TUBG1: variants seen among roughly 807,000 people sequenced by gnomAD.
TUBG1 encodes the protein tubulin gamma-1 chain.
Under a neutral mutation model 53.3 loss-of-function variants are expected in TUBG1, and 22 were observed. The ratio of observed to expected loss-of-function variants is 0.41; its 90% CI spans 0.29 to 0.59. The LOEUF is 0.59. Among genes scored for constraint, TUBG1 ranks in the 20% least tolerant of loss-of-function variants. The pLI, the probability that TUBG1 is intolerant of heterozygous loss-of-function variation, is 0.26. For synonymous variants in TUBG1, 198 were observed against 236.7 expected (o/e 0.84, Z 1.50); for missense variants, 217 against 598.9 (o/e 0.36, Z 6.66).
chr17:42,614,238 C>T lies in TUBG1; in HGVS notation c.844-22C>T, dbSNP rs749303424. ...ACTGTGCCCTGAGCGCTGGCCGGGT[C>T]CCTGTCTCACTGTCCTATCAGGTGG... On this transcript the variant is annotated intron_variant, in intron 8 of 10. Transcript: ENST00000251413. This position sits in a 1 kb window ranked among gnomAD's most constrained non-coding sequence, Gnocchi z 5.1. 5.6e-6 allele frequency: 9 copies of T among 1,613,864 alleles called. No homozygotes were observed. The highest frequency in any genetic ancestry group is 7.6e-6 in the Non-Finnish European group (9 of 1,179,826).
chr17:42,612,010 C>CT, intron 3 of TUBG1, 65 bp from the exon 4 acceptor site: 2 of 1,536,650 alleles, frequency 1.3e-6, no homozygotes, highest in South Asian at 2.2e-5. Context: ...TTGAGGGTGG[C>CT]TTTTCTGAGG....
Position 42,609,687 on chromosome 17 carries a change from T to G in TUBG1, c.-51T>G, listed in dbSNP as rs781204775. On this transcript the variant is annotated 5_prime_UTR_variant, in exon 1 of 11. Transcript: ENST00000251413. Reference sequence around the variant, plus strand: ...GCGTCTTGCGGCGAGCGGGCTGGCGTGCGGCGCCGTTGCGGGCGGGAGCGG... The same window carrying G: ...GCGTCTTGCGGCGAGCGGGCTGGCGGGCGGCGCCGTTGCGGGCGGGAGCGG... 3.4e-5 allele frequency: 52 copies of G among 1,530,328 alleles called. No individual in the cohort carries two copies. The South Asian group carries it at 3.8e-4, about 11-fold the overall frequency. 94.8% of individuals were successfully genotyped at this position (1,530,328 alleles called of 1,614,324 possible). A position where few individuals can be genotyped will look rare whatever the true frequency, so the allele number is the denominator to read the frequency against.
chr17:42,612,019 G>A lies in TUBG1; in HGVS notation c.331-56G>A. The A allele has an allele frequency of 3.2e-6, 5 of 1,581,028 alleles. No individual in the cohort carries two copies. In the South Asian group the frequency reaches 5.5e-5, roughly 18 times the overall value. On this transcript the variant is annotated intron_variant, in intron 3 of 10. Coordinates refer to ENST00000251413, the MANE Select transcript of TUBG1 (RefSeq NM_001070.5). Reference sequence around the variant, plus strand: ...GGAGAATTGAGGGTGGCTTTTCTGAGGTCAGAGACCTCCCATGGTTCTGTC... The same window carrying A: ...GGAGAATTGAGGGTGGCTTTTCTGAAGTCAGAGACCTCCCATGGTTCTGTC...
chr17:42,609,955 A>G (rs1367943115), intron 1 of TUBG1, among the ~76,000 whole-genome samples, 153 bp from the exon 2 acceptor site: 3 of 152,044 alleles, frequency 2.0e-5, no homozygotes, highest in African/African-American at 7.2e-5. Context: ...TCCCCTGCCC[A>G]GTCCCTGGCG....
chr17:42,610,639 G>A (rs754033140), intron 3 of TUBG1, 49 bp downstream of exon 3: 5 of 1,612,910 alleles, frequency 3.1e-6, no homozygotes, highest in Non-Finnish European at 4.2e-6. Context: ...GGTAGGGACA[G>A]GCTCTATGAC....
Position 42,614,521 on chromosome 17 carries a change from G to A in TUBG1, c.1022G>A (p.Arg341Gln), listed in dbSNP as rs1555631467. 1 of 1,613,056 alleles carries A rather than the reference G, an allele frequency of 6.2e-7. No homozygotes were observed. The highest frequency in any genetic ancestry group is 8.5e-7 in the Non-Finnish European group (1 of 1,179,302). ...TQVHKSLQRIRERKLANFIPW... is the reference protein window; with the variant it reads ...TQVHKSLQRIQERKLANFIPW... The stretch of plus-strand genomic sequence containing the variant: ...GTCCACAAGAGCTTGCAGAGGATCC[G>A]GGAACGCAAGTTGGCCAACTTCATC... The change falls in exon 10 of 11, where the codon CGG becomes CAG. Residue 341 changes from arginine to glutamine, a missense_variant. By Grantham distance (43) the Arg-to-Gln change is conservative. Around this residue, in one of 4 missense-constraint regions of TUBG1, gnomAD observed 135 missense variants for 371.2 expected, o/e 0.36. Transcript: ENST00000251413. The surrounding 1 kb of genome is among the most constrained non-coding windows in gnomAD (Gnocchi z 5.1).
In TUBG1 at chr17:42,609,699, G is replaced by T; in HGVS notation, c.-39G>T. The T allele has an allele frequency of 6.5e-7, 1 of 1,536,932 alleles. No individual in the cohort carries two copies. The highest frequency in any genetic ancestry group is 1.4e-5 in the African/African-American group (1 of 72,732). On this transcript the variant is annotated 5_prime_UTR_variant, in exon 1 of 11. Coordinates refer to ENST00000251413, the MANE Select transcript of TUBG1 (RefSeq NM_001070.5). ...GAGCGGGCTGGCGTGCGGCGCCGTT[G>T]CGGGCGGGAGCGGCTGCAACGCCGG...
intron 3 of TUBG1, 192 bp downstream of exon 3, chr17:42,610,782 G>A: frequency 1.4e-6 from 1 of 731,728 alleles, no homozygotes; most frequent in South Asian, 2.3e-5. Flanking sequence ...CATTCTAAGT[G>A]CTTTACATAT....
At chr17:42,611,855 C>CA (rs943572230) in intron 3 of TUBG1, among the ~76,000 whole-genome samples, 30 of 149,104 alleles carry the variant, frequency 2.0e-4, no homozygotes, top group South Asian at 2.1e-4. Context: ...GACTCCATCG[C>CA]AAAAAAAAAT....
At position 42,612,119 on chromosome 17, in the gene TUBG1, G is replaced by A; in HGVS notation, c.375G>A (p.Glu125=). Residue 125 remains glutamate, a synonymous_variant, in exon 4 of 11, where the codon GAG becomes GAA. Transcript: ENST00000251413. The part of the protein sequence containing the change: ...HEDIFDIIDR[E]ADGSDSLEGF... ...ACATTTTTGACATCATAGACCGGGA[G>A]GCAGATGGTAGTGACAGTCTAGAGG... 6.2e-7 allele frequency: 1 copy of A among 1,614,182 alleles called. No individual in the cohort carries two copies. Among genetic ancestry groups the A allele is most frequent in the Non-Finnish European group, 8.5e-7 (1 of 1,180,014 alleles).
rs1173774495 is a variant in TUBG1 at position 42,614,974 on chromosome 17, A to G, written c.1289A>G (p.Gln430Arg). 1.2e-6 allele frequency: 2 copies of G among 1,614,078 alleles called. No individual in the cohort carries two copies. Among genetic ancestry groups the G allele is most frequent in the African/African-American group, 2.7e-5 (2 of 74,942 alleles). Reference protein sequence around the residue: ...EMDTSREIVQQLIDEYHAATR... With the variant: ...EMDTSREIVQRLIDEYHAATR... Reference sequence around the variant, plus strand: ...GACACATCCAGGGAGATTGTGCAGCAGCTCATCGATGAGTACCATGCGGCC... The same window carrying G: ...GACACATCCAGGGAGATTGTGCAGCGGCTCATCGATGAGTACCATGCGGCC... Residue 430 changes from glutamine to arginine, a missense_variant, in exon 11 of 11, where the codon CAG becomes CGG. Gln to Arg is a conservative substitution (Grantham distance 43). Around this residue, in one of 4 missense-constraint regions of TUBG1, gnomAD observed 25 missense variants for 32.4 expected, o/e 0.77. Coordinates refer to ENST00000251413, the MANE Select transcript of TUBG1 (RefSeq NM_001070.5). This position sits in a 1 kb window ranked among gnomAD's most constrained non-coding sequence, Gnocchi z 5.1.
At chr17:42,613,772 C>T in intron 7 of TUBG1, 39 bp downstream of exon 7, 1 of 1,614,168 alleles carries the variant, frequency 6.2e-7, no homozygotes, top group Non-Finnish European at 8.5e-7. Flanking sequence ...ACTTGAAGCC[C>T]TCCTTGTTGG....
Position 42,613,980 on chromosome 17 carries a change from T to G in TUBG1, c.825T>G (p.Pro275=), listed in dbSNP as rs1128519. 21 of 1,613,962 alleles carry G rather than the reference T, an allele frequency of 1.3e-5. No individual in the cohort carries two copies. Among genetic ancestry groups the G allele is most frequent in the Middle Eastern group, 1.6e-4 (1 of 6,084 alleles). Reference sequence around the variant, plus strand: ...ACTTCCTCATGACCGGCTACACCCCTCTCACTACGGACCAGTCAGTAAGAG... The same window carrying G: ...ACTTCCTCATGACCGGCTACACCCCGCTCACTACGGACCAGTCAGTAAGAG... ...RLHFLMTGYT[P]LTTDQSVASV... The change falls in exon 8 of 11, where the codon CCT becomes CCG. Residue 275 remains proline, a synonymous_variant. Coordinates refer to ENST00000251413, the MANE Select transcript of TUBG1 (RefSeq NM_001070.5).
chr17:42,611,096 C>T lies in TUBG1; in HGVS notation c.330+506C>T, dbSNP rs569540546. 4.1e-3 allele frequency: 626 copies of T among 152,744 alleles called. 2 individuals carry two copies. The highest frequency in any genetic ancestry group is 0.014 in the African/African-American group (571 of 41,528). The allele number at this position is 152,744 out of a possible 1,614,324, so 9.5% of individuals were successfully genotyped here. ...AAGCGATTCTCCTGCCTCAGCCTCC[C>T]GAGTAGCTGGGATTACAGGTGCTTG... On this transcript the variant is annotated intron_variant, in intron 3 of 10. Coordinates refer to ENST00000251413, the MANE Select transcript of TUBG1 (RefSeq NM_001070.5).
At chr17:42,610,981 A>T (rs1044810662) in intron 3 of TUBG1, 16 of 158,570 alleles carry the variant, frequency 1.0e-4, no homozygotes, top group African/African-American at 1.4e-4. Flanking sequence ...TTATTTATTT[A>T]TTTTTTTTGA....
In TUBG1 at chr17:42,610,169, G is replaced by A; in HGVS notation, c.111G>A (p.Val37=). Reference sequence around the variant, plus strand: ...ATGGTATCAGCCCCGAGGGCATCGTGGAGGAGTTCGCCACCGAGGGCACTG... The same window carrying A: ...ATGGTATCAGCCCCGAGGGCATCGTAGAGGAGTTCGCCACCGAGGGCACTG... The part of the protein sequence containing the change: ...AEHGISPEGI[V]EEFATEGTDR... The change falls in exon 2 of 11, where the codon GTG becomes GTA. Residue 37 remains valine, a synonymous_variant. Transcript: ENST00000251413. 2 of 1,614,260 alleles carry A rather than the reference G, an allele frequency of 1.2e-6. No individual in the cohort carries two copies. The highest frequency in any genetic ancestry group is 8.5e-7 in the Non-Finnish European group (1 of 1,180,048).
Position 42,615,131 on chromosome 17 carries a change from T to A in TUBG1, c.*90T>A. The A allele has an allele frequency of 7.8e-7, 1 of 1,276,950 alleles. No individual in the cohort carries two copies. The highest frequency in any genetic ancestry group is 1.5e-5 in the African/African-American group (1 of 67,912). 79.1% of individuals were successfully genotyped at this position (1,276,950 alleles called of 1,614,324 possible). On this transcript the variant is annotated 3_prime_UTR_variant, in exon 11 of 11. Transcript: ENST00000251413. ...CCCCTCAGAGCACAGATCAGGGACC[T>A]CACGCATCTCTTTCTCATATACATG...
intron 3 of TUBG1, 95 bp downstream of exon 3, chr17:42,610,685 T>C: frequency 6.4e-7 from 1 of 1,568,256 alleles, no homozygotes; most frequent in Admixed American, 1.8e-5. Flanking sequence ...CAGGGATGTA[T>C]GAATGCTGGA....
At position 42,614,954 on chromosome 17, in the gene TUBG1, A is replaced by C; in HGVS notation, c.1269A>C (p.Thr423=). 1.9e-6 allele frequency: 3 copies of C among 1,614,206 alleles called. No individual in the cohort carries two copies. The highest frequency in any genetic ancestry group is 2.5e-6 in the Non-Finnish European group (3 of 1,180,028). The change falls in exon 11 of 11, where the codon ACA becomes ACC. Residue 423 remains threonine (T), a synonymous_variant. Coordinates refer to ENST00000251413, the MANE Select transcript of TUBG1 (RefSeq NM_001070.5). The surrounding 1 kb of genome is among the most constrained non-coding windows in gnomAD (Gnocchi z 5.1). ...AGGACAACTTTGATGAGATGGACAC[A>C]TCCAGGGAGATTGTGCAGCAGCTCA... ...MFKDNFDEMD[T]SREIVQQLID...
Sources: allele counts gnomAD v4.1 joint callset (sites outside exome capture counted in the v4.1 genomes callset), GRCh38; gene constraint gnomAD v4.1.1; regional missense constraint gnomAD v4.1.1; non-coding constraint Gnocchi (gnomAD v3.1); transcripts MANE v1.5; gene names NCBI Gene and HGNC (gene_info 2026-07-23, HGNC 2026-07-21).